The following RUBCNL variants were observed in gnomAD, a reference collection of about 807,000 sequenced individuals.
RUBCNL encodes protein associated with UVRAG as autophagy enhancer.
RUBCNL carries 62 observed loss-of-function variants against 69.5 expected under a neutral mutation model. The ratio of observed to expected loss-of-function variants is 0.89; its 90% CI spans 0.73 to 1.10. The LOEUF is 1.10. RUBCNL is among the 50% of genes least tolerant of loss of function. The probability of loss-of-function intolerance (pLI) is 0.00; values close to 1 mark genes in which losing one functional copy is unlikely to be tolerated. For synonymous variants in RUBCNL, 291 were observed against 303.6 expected (o/e 0.96, Z 0.43); for missense variants, 768 against 798.1 (o/e 0.96, Z 0.45).
chr13:46,380,861 A>T (rs560501778), intron 1 of RUBCNL, among the ~76,000 whole-genome samples: 2 of 152,326 alleles, frequency 1.3e-5, no homozygotes, highest in Admixed American at 6.5e-5. Context: ...CTAAATTAAC[A>T]TTCTACCTAA....
At chr13:46,361,913 T>C (rs1237732217) in intron 7 of RUBCNL, among the ~76,000 whole-genome samples, 1 of 152,036 alleles carries the variant, frequency 6.6e-6, no homozygotes, top group Non-Finnish European at 1.5e-5. Context: ...TTTATGTCTA[T>C]AAAATGAGGT....
intron 1 of RUBCNL, chr13:46,385,289 C>CTT (rs762423411): frequency 1.3e-5 from 13 of 982,560 alleles, no homozygotes; most frequent in Non-Finnish European, 1.6e-5. Context: ...ACTGAGTCAT[C>CTT]TTTCAGCTCC....
chr13:46,344,733 T>C lies in RUBCNL; in HGVS notation c.1876+8A>G. ...TTATTAAGCTTATGTTATTAAGTTA[T>C]TAAATACCTGAACATCTTCTACATG... On this transcript the variant is annotated splice_region_variant and intron_variant, in intron 14 of 14. Transcript: ENST00000429979. 6.3e-7 allele frequency: 1 copy of C among 1,579,066 alleles called. No individual in the cohort carries two copies. The highest frequency in any genetic ancestry group is 8.7e-7 in the Non-Finnish European group (1 of 1,153,588).
intron 1 of RUBCNL, among the ~76,000 whole-genome samples, chr13:46,379,393 T>C (rs144248606): frequency 6.6e-6 from 1 of 152,322 alleles, no homozygotes; most frequent in African/African-American, 2.4e-5. Flanking sequence ...CTTTTTAAAA[T>C]AACGTATTTT....
intron 1 of RUBCNL, among the ~76,000 whole-genome samples, chr13:46,385,918 C>T (rs2049231264): frequency 6.6e-6 from 1 of 152,156 alleles, no homozygotes; most frequent in Non-Finnish European, 1.5e-5. Context: ...AGGCAAAGTT[C>T]CTGTCCTCTG....
At chr13:46,373,024 A>G (rs2048913415) in intron 2 of RUBCNL, among the ~76,000 whole-genome samples, 1 of 151,210 alleles carries the variant, frequency 6.6e-6, no homozygotes, top group South Asian at 2.1e-4. Flanking sequence ...CCCAGCCTGG[A>G]GTGCAGTGGG....
chr13:46,347,647 TA>T (rs113621950), intron 12 of RUBCNL, among the ~76,000 whole-genome samples: 5 of 152,020 alleles, frequency 3.3e-5, no homozygotes, highest in African/African-American at 1.2e-4. Context: ...ATAGATGGAT[TA>T]AAAAAATGTA....
chr13:46,377,671 C>T lies in RUBCNL; in HGVS notation c.-123+219G>A, dbSNP rs116278746. Among the ~76,000 whole-genome samples the T allele has an allele frequency of 4.3e-3, 657 of 152,360 alleles. 5 individuals carry two copies. Among genetic ancestry groups the T allele is most frequent in the African/African-American group, 0.015 (613 of 41,588 alleles). ...CCTAAGTGAATTGAGCAAAAACCAA[C>T]GTCCTCATAAAAAACAACCGTCAAA... On this transcript the variant is annotated intron_variant, in intron 2 of 14. Coordinates refer to ENST00000429979, the MANE Select transcript of RUBCNL (RefSeq NM_025113.5).
intron 8 of RUBCNL, 124 bp from the exon 9 acceptor site, chr13:46,359,755 C>A (rs1384002491): frequency 2.0e-6 from 2 of 986,100 alleles, no homozygotes; most frequent in Non-Finnish European, 2.9e-6. Context: ...GTGCTTTTAA[C>A]TGAACTAAAG....
rs1380916804 is a variant in RUBCNL, at chr13:46,361,314, A to C, written c.1119+127T>G. On this transcript the variant is annotated intron_variant, in intron 8 of 14. Transcript: ENST00000429979. ...GTACTCAACACATGCCAGTTTCCTC[A>C]TTCATTTTGAGTCTCCCCTAATATC... is the stretch of plus-strand genomic sequence containing the variant. 13 of 925,620 alleles carry C rather than the reference A, an allele frequency of 1.4e-5. No individual in the cohort carries two copies. In the East Asian group the frequency reaches 3.4e-4, roughly 24 times the overall value. The allele number at this position is 925,620 out of a possible 1,614,324, so 57.3% of individuals were successfully genotyped here.
intron 1 of RUBCNL, chr13:46,378,575 T>C (rs898069918): frequency 1.3e-5 from 2 of 152,296 alleles, no homozygotes; most frequent in African/African-American, 4.8e-5. Flanking sequence ...AGCCAAGTCA[T>C]TGTGACATCA....
chr13:46,357,996 T>C (rs1381207186), intron 9 of RUBCNL, among the ~76,000 whole-genome samples: 1 of 152,172 alleles, frequency 6.6e-6, no homozygotes, highest in African/African-American at 2.4e-5. Flanking sequence ...ACCAAGGAAA[T>C]TGTAAAATTT....
intron 8 of RUBCNL, among the ~76,000 whole-genome samples, chr13:46,361,030 C>T (rs2138744990): frequency 6.6e-6 from 1 of 152,292 alleles, no homozygotes. Context: ...TGGAAACCAG[C>T]TGGCCAGCAT....
chr13:46,366,548 A>C (rs1216095697), intron 5 of RUBCNL, among the ~76,000 whole-genome samples: 1 of 152,212 alleles, frequency 6.6e-6, no homozygotes, highest in African/African-American at 2.4e-5. Flanking sequence ...AAGACAAAAC[A>C]ACCCTTTTAA....
upstream of RUBCNL, among the ~76,000 whole-genome samples, chr13:46,388,222 A>G (rs561898300): frequency 4.7e-5 from 6 of 127,312 alleles, no homozygotes; most frequent in South Asian, 1.7e-3. Flanking sequence ...AAAAAAAAAC[A>G]GAAAGGAGAA....
At chr13:46,386,025 C>T (rs1052856966) in intron 1 of RUBCNL, among the ~76,000 whole-genome samples, 17 of 152,140 alleles carry the variant, frequency 1.1e-4, no homozygotes, top group African/African-American at 4.1e-4. Flanking sequence ...ATCACGAAAA[C>T]CCCAGCACTG....
chr13:46,368,043 T>C lies in RUBCNL; in HGVS notation c.825A>G (p.Glu275=). 1 of 1,613,922 alleles carries C rather than the reference T, an allele frequency of 6.2e-7. No homozygotes were observed. The highest frequency in any genetic ancestry group is 1.1e-5 in the South Asian group (1 of 91,082). Residue 275 remains glutamate (E), a splice_region_variant and synonymous_variant, in exon 5 of 15, where the codon GAA becomes GAG. Transcript: ENST00000429979. The stretch of plus-strand genomic sequence containing the variant: ...CTTTCTCATATTTGCCCAACTTGCC[T>C]TCATAGCCACTGTATGAAGAAGTAG... The part of the protein sequence containing the change: ...GSSTSSYSGY[E]GCAVLQVSPV...
chr13:46,337,612 C>T lies in RUBCNL; in HGVS notation c.*5773G>A, dbSNP rs144971807. 9.8e-3 allele frequency among the ~76,000 whole-genome samples: 1,497 copies of T among 152,220 alleles called. 14 individuals carry two copies. Among genetic ancestry groups the T allele is most frequent in the Non-Finnish European group, 0.015 (1,045 of 68,026 alleles). ...CAGTAAGTTTCTGTTGTTTATTATC[C>T]ACCTAGCGTAAGGTATTTTATTATA... is the stretch of plus-strand genomic sequence containing the variant. On this transcript the variant is annotated 3_prime_UTR_variant, in exon 15 of 15. Coordinates refer to ENST00000429979, the MANE Select transcript of RUBCNL (RefSeq NM_025113.5).
chr13:46,361,795 G>A (rs2048617048), intron 7 of RUBCNL, among the ~76,000 whole-genome samples: 1 of 152,138 alleles, frequency 6.6e-6, no homozygotes, highest in Non-Finnish European at 1.5e-5. Context: ...AGACTTAGAG[G>A]TGTGGTGAAA....
Sources: allele counts gnomAD v4.1 joint callset (sites outside exome capture counted in the v4.1 genomes callset), GRCh38; gene constraint gnomAD v4.1.1; transcripts MANE v1.5; gene names NCBI Gene and HGNC (gene_info 2026-07-23, HGNC 2026-07-21).